MTTP: variants seen among roughly 807,000 people sequenced by gnomAD.
The protein encoded by MTTP is microsomal triglyceride transfer protein large subunit.
A neutral mutation model predicts 90.6 loss-of-function variants in MTTP; 49 were observed. The ratio of observed to expected loss-of-function variants is 0.54; its 90% confidence interval spans 0.43 to 0.69. The LOEUF (loss-of-function observed/expected upper bound fraction) is 0.69. Among genes scored for constraint, MTTP ranks in the 30% least tolerant of loss-of-function variants. The pLI, the probability that MTTP is intolerant of heterozygous loss-of-function variation, is 0.00. For missense variants in MTTP, 945 were observed against 1,067.5 expected, an observed-to-expected ratio of 0.89 and a Z score of 1.60; for synonymous variants, 347 against 384.2, an observed-to-expected ratio of 0.90 and a Z score of 1.13.
intron 3 of MTTP, among the ~76,000 whole-genome samples, chr4:99,586,322 A>G (rs1351432706): frequency 4.6e-5 from 7 of 152,126 alleles, no homozygotes; most frequent in Admixed American, 2.0e-4. Context: ...CTGACGAGTG[A>G]AAGATGCCTC....
intron 4 of MTTP, among the ~76,000 whole-genome samples, chr4:99,590,102 G>A (rs1305147331): frequency 1.3e-5 from 2 of 149,846 alleles, no homozygotes; most frequent in South Asian, 2.1e-4. Context: ...GGACCCGAAC[G>A]TCTTTTTTTT....
At chr4:99,596,078 T>A (rs1418148403) in intron 7 of MTTP, among the ~76,000 whole-genome samples, 1 of 152,144 alleles carries the variant, frequency 6.6e-6, no homozygotes. Flanking sequence ...TTCATATTGA[T>A]ATGCTCTCTG....
At chr4:99,611,604 GA>G in intron 14 of MTTP, 151 bp downstream of exon 14, 1 of 1,095,194 alleles carries the variant, frequency 9.1e-7, no homozygotes, top group Non-Finnish European at 1.4e-6. Context: ...TTATCTGTAA[GA>G]GGCTGTATGG....
chr4:99,603,872 G>C (rs1025534915), intron 10 of MTTP, among the ~76,000 whole-genome samples: 5 of 152,118 alleles, frequency 3.3e-5, no homozygotes, highest in Non-Finnish European at 7.4e-5. Flanking sequence ...TAAGGAAACA[G>C]AACAAAGGAT....
chr4:99,567,962 A>G (rs1724742761), intron 1 of MTTP, among the ~76,000 whole-genome samples: 1 of 152,174 alleles, frequency 6.6e-6, no homozygotes, highest in Non-Finnish European at 1.5e-5. Context: ...AATAGAAAAG[A>G]GAATATGAAG....
At chr4:99,612,827 G>T (rs2110233013) in intron 14 of MTTP, 86 bp from the exon 15 acceptor site, 1 of 1,318,242 alleles carries the variant, frequency 7.6e-7, no homozygotes, top group South Asian at 1.2e-5. Context: ...CCCTTGAGAA[G>T]TTCTAGCTGC....
At chr4:99,609,142 A>G (rs962700070) in intron 12 of MTTP, among the ~76,000 whole-genome samples, 165 bp downstream of exon 12, 3 of 152,200 alleles carry the variant, frequency 2.0e-5, no homozygotes, top group African/African-American at 7.2e-5. Flanking sequence ...GGGCCAGATG[A>G]AACAACTTCA....
chr4:99,568,001 T>C (rs941329374), intron 1 of MTTP, among the ~76,000 whole-genome samples: 1 of 152,090 alleles, frequency 6.6e-6, no homozygotes, highest in African/African-American at 2.4e-5. Context: ...AACTGTAATG[T>C]AATATTTCAA....
intron 4 of MTTP, 51 bp from the exon 5 acceptor site, chr4:99,591,184 C>G (rs927356101): frequency 7.3e-7 from 1 of 1,361,550 alleles, no homozygotes; most frequent in South Asian, 1.2e-5. Flanking sequence ...CACTAGAATT[C>G]AAATGGCCCA....
chr4:99,572,635 G>A (rs1034748545), upstream of MTTP, among the ~76,000 whole-genome samples: 2 of 151,948 alleles, frequency 1.3e-5, no homozygotes, highest in Non-Finnish European at 2.9e-5. Context: ...GGCAGCTCTT[G>A]TTTTTTTACT....
chr4:99,569,988 A>G (rs1017743823), upstream of MTTP, among the ~76,000 whole-genome samples: 1 of 151,766 alleles, frequency 6.6e-6, no homozygotes, highest in African/African-American at 2.4e-5. Flanking sequence ...AATTTTCACT[A>G]TACCACAAAG....
chr4:99,584,563 A>G (rs1200895331), intron 3 of MTTP, among the ~76,000 whole-genome samples: 2 of 149,978 alleles, frequency 1.3e-5, no homozygotes, highest in Admixed American at 1.3e-4. Context: ...CTCGCCTACA[A>G]CCAAATATGA....
chr4:99,621,065 A>T lies in MTTP; in HGVS notation c.2347A>T (p.Thr783Ser). 5.6e-6 allele frequency: 9 copies of T among 1,613,972 alleles called. No homozygotes were observed. The highest frequency in any genetic ancestry group is 7.6e-6 in the Non-Finnish European group (9 of 1,179,882). ...ESKTRVKNRV[T>S]VVITTDITVD... ...CTTTTTTTCTCAAATGTTTAGGGTGACTGTGGTAATAACCACTGACATCAC... is the reference window on the plus strand; with the variant it reads ...CTTTTTTTCTCAAATGTTTAGGGTGTCTGTGGTAATAACCACTGACATCAC... Residue 783 changes from threonine to serine, a missense_variant, in exon 17 of 18, where the codon ACT (threonine) becomes TCT (serine). Thr to Ser is a moderately conservative substitution (Grantham distance 58). Coordinates refer to ENST00000265517, the MANE Select transcript of MTTP (RefSeq NM_001386140.1).
At chr4:99,597,997 C>T (rs1333494486) in intron 8 of MTTP, among the ~76,000 whole-genome samples, 1 of 152,060 alleles carries the variant, frequency 6.6e-6, no homozygotes, top group Non-Finnish European at 1.5e-5. Context: ...GGAAATTAGC[C>T]AAGTTACACA....
intron 4 of MTTP, 139 bp from the exon 5 acceptor site, chr4:99,591,096 T>A: frequency 1.4e-6 from 1 of 707,876 alleles, no homozygotes; most frequent in Non-Finnish European, 2.5e-6. Flanking sequence ...CTTGTTCTTG[T>A]CTTTGTATCT....
At position 99,612,896 on chromosome 4, in the gene MTTP, A is replaced by G. The variant is rs1329871149; in HGVS notation, c.1990-17A>G. ...GCAGGGAGCTTGCGTCATGAACATT[A>G]TATTGATTTTATCCAGGTGGTTATT... On this transcript the variant is annotated splice_polypyrimidine_tract_variant and intron_variant, in intron 14 of 17. Transcript: ENST00000265517. 6 of 1,604,144 alleles carry G rather than the reference A, an allele frequency of 3.7e-6. No homozygotes were observed. Among genetic ancestry groups the G allele is most frequent in the Admixed American group, 1.7e-5 (1 of 59,988 alleles).
chr4:99,565,337 A>G (rs996732739), intron 1 of MTTP, among the ~76,000 whole-genome samples: 8 of 152,256 alleles, frequency 5.3e-5, no homozygotes, highest in Non-Finnish European at 8.8e-5. Flanking sequence ...AATGAAGTCA[A>G]TAAATTTTCT....
At chr4:99,570,032 T>G (rs1445161800), upstream of MTTP, among the ~76,000 whole-genome samples, 2 of 151,914 alleles carry the variant, frequency 1.3e-5, no homozygotes, top group Non-Finnish European at 2.9e-5. Flanking sequence ...GTTTTTTTTT[T>G]GTGCACTTTA....
intron 10 of MTTP, among the ~76,000 whole-genome samples, chr4:99,603,510 T>TGAGAG (rs1725744707): frequency 6.6e-6 from 1 of 152,076 alleles, no homozygotes; most frequent in Non-Finnish European, 1.5e-5. Context: ...GGCAGAGGGC[T>TGAGAG]GAGAGGAGAT....
Sources: gnomAD v4.1 joint callset for allele counts (sites outside exome capture counted in the v4.1 genomes callset) on GRCh38, gnomAD v4.1.1 for gene constraint, MANE v1.5 for transcripts, NCBI Gene and HGNC (gene_info 2026-07-23, HGNC 2026-07-21) for gene names.